The following CSMD1 variants were observed in gnomAD, a reference collection of about 807,000 sequenced individuals.
CSMD1 encodes CUB and Sushi multiple domains 1, also known as CUB and sushi domain-containing protein 1.
Under a neutral mutation model 417.5 loss-of-function variants are expected in CSMD1, and 213 were observed. The ratio of observed to expected loss-of-function variants is 0.51; its 90% CI spans 0.46 to 0.57. The LOEUF (loss-of-function observed/expected upper bound fraction) is 0.57. CSMD1 is among the 20% of genes least tolerant of loss of function. The pLI, the probability that CSMD1 is intolerant of heterozygous loss-of-function variation, is 0.00. For missense variants in CSMD1, 6,923 were observed against 4,529.7 expected (o/e 1.53, Z -15.17); for synonymous variants, 2,862 against 1,736.8 (o/e 1.65, Z -16.11).
At chr8:4,424,301 G>C (rs562975948) in intron 2 of CSMD1, among the ~76,000 whole-genome samples, 5 of 152,022 alleles carry the variant, frequency 3.3e-5, no homozygotes, top group Non-Finnish European at 7.4e-5. Flanking sequence ...TCTGACAAAA[G>C]ACAAGTATCT....
intron 12 of CSMD1, among the ~76,000 whole-genome samples, chr8:3,461,712 T>A (rs1816516524): frequency 6.6e-6 from 1 of 152,206 alleles, no homozygotes; most frequent in African/African-American, 2.4e-5. Flanking sequence ...GGACTGGCCC[T>A]AATCAGGAGA....
At chr8:3,683,481 A>G (rs951278273) in intron 7 of CSMD1, among the ~76,000 whole-genome samples, 4 of 152,200 alleles carry the variant, frequency 2.6e-5, no homozygotes, top group Admixed American at 6.5e-5. Flanking sequence ...AGGGGTGTTC[A>G]TAGGTACCTG....
At chr8:2,943,168 G>T (rs1802005226) in intron 68 of CSMD1, among the ~76,000 whole-genome samples, 1 of 151,834 alleles carries the variant, frequency 6.6e-6, no homozygotes, top group South Asian at 2.1e-4. Context: ...CACAATGCAA[G>T]TTTCCATGAA....
intron 3 of CSMD1, among the ~76,000 whole-genome samples, chr8:4,354,720 A>G (rs917795254): frequency 9.9e-5 from 15 of 152,128 alleles, no homozygotes; most frequent in African/African-American, 3.6e-4. Flanking sequence ...AAACACTTGT[A>G]TTTATAATGT....
intron 52 of CSMD1, among the ~76,000 whole-genome samples, chr8:3,003,365 G>T (rs542662153): frequency 6.6e-6 from 1 of 151,878 alleles, no homozygotes; most frequent in Non-Finnish European, 1.5e-5. Flanking sequence ...TCTTGGTTTT[G>T]AGTCATCTAC....
chr8:4,622,745 G>A (rs972678994), intron 2 of CSMD1, among the ~76,000 whole-genome samples: 7 of 151,902 alleles, frequency 4.6e-5, no homozygotes, highest in East Asian at 3.9e-4. Flanking sequence ...TACCACTTCC[G>A]TGCAACATTG....
At chr8:4,049,459 T>G (rs1469179127) in intron 3 of CSMD1, among the ~76,000 whole-genome samples, 1 of 151,544 alleles carries the variant, frequency 6.6e-6, no homozygotes, top group East Asian at 1.9e-4. Context: ...TGTCACCCAG[T>G]CCCTGGCATT....
chr8:4,329,194 G>C (rs1449944119), intron 3 of CSMD1, among the ~76,000 whole-genome samples: 5 of 152,164 alleles, frequency 3.3e-5, no homozygotes, highest in South Asian at 4.1e-4. Context: ...AACAAGTATA[G>C]AGATGTTTCC....
At chr8:3,299,214 G>A (rs1463107265) in intron 25 of CSMD1, among the ~76,000 whole-genome samples, 1 of 152,190 alleles carries the variant, frequency 6.6e-6, no homozygotes, top group Non-Finnish European at 1.5e-5. Context: ...TATTTTGGGA[G>A]GCCGAGGTGG....
At position 4,350,482 on chromosome 8, in the gene CSMD1, C is replaced by G. The variant is rs576688226; in HGVS notation, c.415+69471G>C. 1.4e-4 allele frequency among the ~76,000 whole-genome samples: 22 copies of G among 152,288 alleles called. No individual in the cohort carries two copies. In the South Asian group the frequency reaches 4.6e-3, roughly 32 times the overall value. On this transcript the variant is annotated intron_variant, in intron 3 of 69. Transcript: ENST00000635120. ...GATACTCTTTGCCTGCTACAAACCA[C>G]ACATAAAGGTAAGATCACCGCAGCA...
chr8:3,260,481 G>T (rs1800979503), intron 26 of CSMD1, among the ~76,000 whole-genome samples: 1 of 152,000 alleles, frequency 6.6e-6, no homozygotes, highest in African/African-American at 2.4e-5. Flanking sequence ...CAGTGGCATG[G>T]ATACAAGAAC....
At chr8:4,380,781 A>T (rs976844445) in intron 3 of CSMD1, among the ~76,000 whole-genome samples, 1 of 149,392 alleles carries the variant, frequency 6.7e-6, no homozygotes, top group Non-Finnish European at 1.5e-5. Flanking sequence ...AACAAAAAGT[A>T]TATTTAAAAA....
chr8:4,002,545 G>A (rs1056216680), intron 4 of CSMD1, among the ~76,000 whole-genome samples: 1 of 152,112 alleles, frequency 6.6e-6, no homozygotes, highest in Non-Finnish European at 1.5e-5. Context: ...CATTTCGACT[G>A]AGAAAAATTA....
chr8:4,536,547 T>A (rs1276388766), intron 2 of CSMD1, among the ~76,000 whole-genome samples: 7 of 152,212 alleles, frequency 4.6e-5, no homozygotes, highest in Admixed American at 4.6e-4. Context: ...AGATATTGCA[T>A]TCTCCTTCTT....
intron 50 of CSMD1, among the ~76,000 whole-genome samples, chr8:3,045,593 C>A (rs1028334015): frequency 6.6e-6 from 1 of 152,162 alleles, no homozygotes; most frequent in Non-Finnish European, 1.5e-5. Flanking sequence ...CCATCACCTA[C>A]TTAATACTTC....
chr8:3,426,660 C>A (rs995996182), intron 12 of CSMD1, among the ~76,000 whole-genome samples: 2 of 152,164 alleles, frequency 1.3e-5, no homozygotes, highest in Non-Finnish European at 2.9e-5. Context: ...TTTTTAAAAA[C>A]TTGTCAACTT....
intron 5 of CSMD1, among the ~76,000 whole-genome samples, chr8:3,945,788 G>C (rs79099830): frequency 6.6e-6 from 1 of 152,060 alleles, no homozygotes; most frequent in Non-Finnish European, 1.5e-5. Flanking sequence ...TAGATGAGAA[G>C]CAATTTCAGA....
chr8:4,189,979 C>G (rs1311955331), intron 3 of CSMD1, among the ~76,000 whole-genome samples: 1 of 151,550 alleles, frequency 6.6e-6, no homozygotes, highest in Non-Finnish European at 1.5e-5. Context: ...CAGAGACTCG[C>G]CAGGTGTGGT....
At position 3,558,351 on chromosome 8, in the gene CSMD1, CT is replaced by C. The variant is rs1563152180; in HGVS notation, c.1344+16593del. 9.5e-3 allele frequency among the ~76,000 whole-genome samples: 1,253 copies of C among 132,398 alleles called. 2 individuals carry two copies. The highest frequency in any genetic ancestry group is 0.03 in the Middle Eastern group (8 of 264). The allele number at this position is 132,398 out of a possible 152,430, so 86.9% of individuals were successfully genotyped here. ...ATGCCTCAGTAGTACCCCGTGTCCA[CT>C]CCTCCAATGATGAATGGTGCCTCAG... is the stretch of plus-strand genomic sequence containing the variant. On this transcript the variant is annotated intron_variant, in intron 10 of 69. Coordinates refer to ENST00000635120, the MANE Select transcript of CSMD1 (RefSeq NM_033225.6).
Sources: gnomAD v4.1 joint callset for allele counts (sites outside exome capture counted in the v4.1 genomes callset) on GRCh38, gnomAD v4.1.1 for gene constraint, MANE v1.5 for transcripts, NCBI Gene and HGNC (gene_info 2026-07-23, HGNC 2026-07-21) for gene names.